Variants in CYP11A1 observed in about 807,000 individuals in gnomAD.
The protein encoded by CYP11A1 is cholesterol side-chain cleavage enzyme, mitochondrial.
In CYP11A1, 25 loss-of-function variants were observed where a neutral mutation model predicts 51.9. The observed-to-expected ratio is 0.48, with a 90% CI of 0.35 to 0.67. The LOEUF is 0.67. CYP11A1 is among the 30% of genes least tolerant of loss of function. The probability of loss-of-function intolerance (pLI) is 0.00; values close to 1 mark genes in which losing one functional copy is unlikely to be tolerated. For missense variants in CYP11A1, 578 were observed against 680.9 expected, an observed-to-expected ratio of 0.85 and a Z score of 1.68; for synonymous variants, 245 against 262.1, an observed-to-expected ratio of 0.93 and a Z score of 0.63.
In CYP11A1 at chr15:74,345,738, C is replaced by T. The variant is rs750245233; in HGVS notation, c.426-495G>A. Among the ~76,000 whole-genome samples, 27 of 152,322 alleles carry T rather than the reference C, an allele frequency of 1.8e-4. No homozygotes were observed. The East Asian group carries it at 2.1e-3, about 12-fold the overall frequency. Reference sequence around the variant, plus strand: ...ATTACTCACTTCTGTCGGGGGACCTCAGGTGCCCCGAACTGGGTTGGTCAT... The same window carrying T: ...ATTACTCACTTCTGTCGGGGGACCTTAGGTGCCCCGAACTGGGTTGGTCAT... On this transcript the variant is annotated intron_variant, in intron 2 of 8. Coordinates refer to ENST00000268053, the MANE Select transcript of CYP11A1 (RefSeq NM_000781.3). The surrounding 1 kb of genome is among the most constrained non-coding windows in gnomAD (Gnocchi z 4.3).
At chr15:74,342,787 C>T (rs549498673) in intron 5 of CYP11A1, among the ~76,000 whole-genome samples, 190 bp downstream of exon 5, 16 of 152,316 alleles carry the variant, frequency 1.1e-4, no homozygotes, top group African/African-American at 3.9e-4. Context: ...CAAATCATGC[C>T]CTGGGTGACT....
At chr15:74,365,564 T>C in intron 1 of CYP11A1, 1 of 573,370 alleles carries the variant, frequency 1.7e-6, no homozygotes, top group African/African-American at 2.0e-5. Flanking sequence ...TCTAACCACC[T>C]CTCTCCGAGA....
chr15:74,339,082 C>T (rs1567051037), intron 7 of CYP11A1, among the ~76,000 whole-genome samples, 155 bp downstream of exon 7: 1 of 152,144 alleles, frequency 6.6e-6, no homozygotes, highest in Non-Finnish European at 1.5e-5. Flanking sequence ...TAGAGGTCAC[C>T]GCCCACCATG....
At chr15:74,348,709 C>A (rs910848109) in intron 1 of CYP11A1, among the ~76,000 whole-genome samples, 67 of 152,146 alleles carry the variant, frequency 4.4e-4, no homozygotes, top group African/African-American at 1.5e-3. Flanking sequence ...ACTTTGCAGA[C>A]AATCTGTATT....
intron 1 of CYP11A1, chr15:74,361,860 G>A (rs569713731): frequency 1.8e-6 from 2 of 1,129,792 alleles, no homozygotes; most frequent in Admixed American, 1.7e-5. Flanking sequence ...GGCAAATGCT[G>A]GATCCAATAC....
intron 1 of CYP11A1, among the ~76,000 whole-genome samples, chr15:74,353,957 G>C (rs1214557875): frequency 6.6e-6 from 1 of 152,074 alleles, no homozygotes; most frequent in African/African-American, 2.4e-5. Flanking sequence ...TAACTTTTTG[G>C]ATTTTAGGCT....
At chr15:74,339,416 C>T in intron 6 of CYP11A1, 101 bp from the exon 7 acceptor site, 4 of 1,388,550 alleles carry the variant, frequency 2.9e-6, no homozygotes, top group Non-Finnish European at 4.1e-6. Flanking sequence ...CTGCAGCAGC[C>T]TGGGGGGACC....
At chr15:74,358,563 C>T (rs1167663912) in intron 1 of CYP11A1, among the ~76,000 whole-genome samples, 2 of 152,210 alleles carry the variant, frequency 1.3e-5, no homozygotes, top group Non-Finnish European at 2.9e-5. Context: ...CTTCCCTACA[C>T]ATCAAGCTCA....
chr15:74,339,497 C>T, intron 6 of CYP11A1, 90 bp downstream of exon 6: 2 of 1,546,264 alleles, frequency 1.3e-6, no homozygotes, highest in Non-Finnish European at 8.9e-7. Flanking sequence ...CCTCCTCCAC[C>T]AGCCCATCCT....
chr15:74,339,418 G>A, intron 6 of CYP11A1, 103 bp from the exon 7 acceptor site: 1 of 1,383,342 alleles, frequency 7.2e-7, no homozygotes, highest in Non-Finnish European at 1.0e-6. Flanking sequence ...GCAGCAGCCT[G>A]GGGGGACCTG....
chr15:74,361,208 GT>G (rs1385460430), intron 1 of CYP11A1, among the ~76,000 whole-genome samples: 2 of 152,150 alleles, frequency 1.3e-5, no homozygotes, highest in African/African-American at 2.4e-5. Context: ...TATTTGACAT[GT>G]TTAGGTACAT....
chr15:74,353,391 C>G (rs2060664481), intron 1 of CYP11A1, among the ~76,000 whole-genome samples: 1 of 152,144 alleles, frequency 6.6e-6, no homozygotes, highest in Non-Finnish European at 1.5e-5. Flanking sequence ...AATGCATTGG[C>G]AGTTTGGCAA....
chr15:74,348,181 C>T (rs539893175), intron 1 of CYP11A1, 126 bp from the exon 2 acceptor site: 28 of 1,011,094 alleles, frequency 2.8e-5, no homozygotes, highest in Admixed American at 1.1e-4. Flanking sequence ...CCCTTAACCC[C>T]TCTGAGTCTC....
chr15:74,361,034 G>T (rs1206781179), intron 1 of CYP11A1, among the ~76,000 whole-genome samples: 3 of 152,160 alleles, frequency 2.0e-5, no homozygotes, highest in African/African-American at 4.8e-5. Flanking sequence ...AAAGGTTTTT[G>T]CTTCTTTAAA....
intron 1 of CYP11A1, among the ~76,000 whole-genome samples, chr15:74,360,276 T>G (rs1253804116): frequency 1.3e-5 from 2 of 150,566 alleles, no homozygotes; most frequent in South Asian, 2.1e-4. Flanking sequence ...AACTTACCAG[T>G]TTTTTTTGTT....
At chr15:74,338,493 G>T (rs566367949) in intron 8 of CYP11A1, 78 bp downstream of exon 8, 151 of 1,435,246 alleles carry the variant, frequency 1.1e-4, no homozygotes, top group Non-Finnish European at 2.0e-6. Context: ...TCTGGACAGA[G>T]ATAGGAGGAG....
chr15:74,362,872 A>G (rs1298997900), intron 1 of CYP11A1: 1 of 152,238 alleles, frequency 6.6e-6, no homozygotes, highest in Non-Finnish European at 1.5e-5. Context: ...GGCCCAATGT[A>G]TGTAAGAAAC....
At chr15:74,361,786 A>G (rs1045643478) in intron 1 of CYP11A1, 29 of 1,232,994 alleles carry the variant, frequency 2.4e-5, no homozygotes, top group Non-Finnish European at 3.5e-5. Context: ...AAGTCCATCT[A>G]TGGGGAGAAA....
chr15:74,347,423 T>G (rs1287363617), intron 2 of CYP11A1, among the ~76,000 whole-genome samples: 6 of 151,966 alleles, frequency 3.9e-5, no homozygotes, highest in Admixed American at 3.3e-4. Context: ...AAAAAAAAAT[T>G]TATGAACAAT....
Sources: gnomAD v4.1 joint callset for allele counts (sites outside exome capture counted in the v4.1 genomes callset) on GRCh38, gnomAD v4.1.1 for gene constraint, Gnocchi (gnomAD v3.1) non-coding constraint, MANE v1.5 for transcripts, NCBI Gene and HGNC (gene_info 2026-07-23, HGNC 2026-07-21) for gene names.